PPP2CB: variants seen among roughly 807,000 people sequenced by gnomAD.
PPP2CB encodes the protein protein phosphatase 2 catalytic subunit beta, also known as serine/threonine-protein phosphatase 2A catalytic subunit beta isoform.
PPP2CB carries 18 observed loss-of-function variants against 39.1 expected under a neutral mutation model. The observed-to-expected ratio is 0.46, with a 90% confidence interval of 0.32 to 0.68. PPP2CB has a LOEUF of 0.68. Ranked by LOEUF, PPP2CB falls within the 30% of genes least tolerant of loss-of-function variation. PPP2CB has a pLI of 0.04. For synonymous variants in PPP2CB, 129 were observed against 133.8 expected, an observed-to-expected ratio of 0.96 and a Z score of 0.25; for missense variants, 226 against 396.9, an observed-to-expected ratio of 0.57 and a Z score of 3.66.
At chr8:30,799,906 T>TAATGAAAAATTATTATTAGAA in intron 1 of PPP2CB, 151 bp from the exon 2 acceptor site, 2 of 643,606 alleles carry the variant, frequency 3.1e-6, no homozygotes, top group Non-Finnish European at 2.7e-6. Flanking sequence ...TTAGAAAGGC[T>TAATGAAAAATTATTATTAGAA]ATAATAAAAA....
At chr8:30,806,227 T>G (rs1437298607) in intron 1 of PPP2CB, among the ~76,000 whole-genome samples, 1 of 151,528 alleles carries the variant, frequency 6.6e-6, no homozygotes, top group Non-Finnish European at 1.5e-5. Context: ...TTTTTTTTTT[T>G]GTATTTTTAG....
At position 30,785,999 on chromosome 8, in the gene PPP2CB, C is replaced by T. The variant is rs1027461103; in HGVS notation, c.*236G>A. On this transcript the variant is annotated 3_prime_UTR_variant, in exon 7 of 7. Transcript: ENST00000221138. ...CAAAGGAAAATGGTTACTATAAATA[C>T]AGCAGGCAAACTGTTAGACTGACCT... 1.6e-6 allele frequency: 1 copy of T among 640,384 alleles called. No homozygotes were observed. The highest frequency in any genetic ancestry group is 3.2e-5 in the East Asian group (1 of 31,644). The allele number at this position is 640,384 out of a possible 1,614,324, so 39.7% of individuals were successfully genotyped here.
intron 1 of PPP2CB, among the ~76,000 whole-genome samples, chr8:30,802,539 G>C (rs1194119553): frequency 6.6e-6 from 1 of 152,022 alleles, no homozygotes; most frequent in African/African-American, 2.4e-5. Flanking sequence ...GGAGTGCAGT[G>C]GTGTGAACGT....
chr8:30,812,580 G>C lies in PPP2CB; in HGVS notation c.-159C>G, dbSNP rs931931489. ...GGACTGAGCCGGGTAGGGCGGCCGC[G>C]GGCCCCGCGCCCCGCCCAAGCCCAG... On this transcript the variant is annotated 5_prime_UTR_variant, in exon 1 of 7. Transcript: ENST00000221138. The C allele has an allele frequency of 5.1e-5, 19 of 375,310 alleles. No individual in the cohort carries two copies. The highest frequency in any genetic ancestry group is 4.3e-4 in the East Asian group (9 of 20,940). 23.2% of individuals were successfully genotyped at this position (375,310 alleles called of 1,614,324 possible). A position where few individuals can be genotyped will look rare whatever the true frequency, so the allele number is the denominator to read the frequency against.
intron 5 of PPP2CB, chr8:30,791,570 G>A (rs1035872815): frequency 7.0e-6 from 2 of 285,816 alleles, no homozygotes; most frequent in African/African-American, 4.4e-5. Context: ...ATCTTGGCAA[G>A]GATGTGTACT....
intron 3 of PPP2CB, among the ~76,000 whole-genome samples, chr8:30,797,364 AC>A (rs1188626051): frequency 6.6e-6 from 1 of 152,254 alleles, no homozygotes; most frequent in East Asian, 1.9e-4. Flanking sequence ...TAAAAGATTT[AC>A]ATACATATCT....
intron 1 of PPP2CB, 25 bp from the exon 2 acceptor site, chr8:30,799,780 T>A (rs1806589805): frequency 6.3e-7 from 1 of 1,595,184 alleles, no homozygotes; most frequent in South Asian, 1.1e-5. Context: ...AAATCAACAA[T>A]TACAAAGTTA....
chr8:30,801,848 T>C (rs978171765), intron 1 of PPP2CB, among the ~76,000 whole-genome samples: 1 of 152,144 alleles, frequency 6.6e-6, no homozygotes, highest in Non-Finnish European at 1.5e-5. Flanking sequence ...TTATGCCAAC[T>C]AGATGCGCCC....
At chr8:30,798,032 G>T (rs1317677851) in intron 2 of PPP2CB, among the ~76,000 whole-genome samples, 1 of 152,068 alleles carries the variant, frequency 6.6e-6, no homozygotes, top group African/African-American at 2.4e-5. Flanking sequence ...ACTTGTATCT[G>T]ATACTTTGCT....
At chr8:30,786,440 T>C in intron 6 of PPP2CB, 133 bp from the exon 7 acceptor site, 1 of 677,062 alleles carries the variant, frequency 1.5e-6, no homozygotes, top group Non-Finnish European at 2.4e-6. Context: ...ACGGCTGGAA[T>C]GGCCATGGGC....
intron 3 of PPP2CB, among the ~76,000 whole-genome samples, chr8:30,796,774 T>C (rs774661577): frequency 2.0e-5 from 3 of 152,262 alleles, no homozygotes; most frequent in Non-Finnish European, 4.4e-5. Context: ...TAATTTCTTC[T>C]TATACTTTTG....
chr8:30,808,463 G>A (rs1045286494), intron 1 of PPP2CB, among the ~76,000 whole-genome samples: 4 of 151,960 alleles, frequency 2.6e-5, no homozygotes, highest in African/African-American at 4.8e-5. Flanking sequence ...ACCATCATAC[G>A]ATGTAACTTC....
At chr8:30,788,230 T>C (rs968006840) in intron 6 of PPP2CB, among the ~76,000 whole-genome samples, 6 of 152,148 alleles carry the variant, frequency 3.9e-5, no homozygotes, top group South Asian at 4.1e-4. Context: ...AGTATAAAGA[T>C]AGGTTACTGA....
chr8:30,794,451 T>G, intron 3 of PPP2CB, 170 bp from the exon 4 acceptor site: 1 of 552,706 alleles, frequency 1.8e-6, no homozygotes, highest in Admixed American at 3.5e-5. Flanking sequence ...ATCCCCATCC[T>G]TGGGGACCCA....
chr8:30,800,451 A>C (rs1806601852), intron 1 of PPP2CB, among the ~76,000 whole-genome samples: 1 of 152,266 alleles, frequency 6.6e-6, no homozygotes, highest in African/African-American at 2.4e-5. Context: ...TGTGTGAACA[A>C]ACATTCTTAC....
At chr8:30,795,840 T>TA (rs1806513540) in intron 3 of PPP2CB, among the ~76,000 whole-genome samples, 1 of 152,234 alleles carries the variant, frequency 6.6e-6, no homozygotes. Context: ...GTTCTTGTGA[T>TA]ACACGAGCTC....
At chr8:30,795,975 AGGAG>A (rs954772468) in intron 3 of PPP2CB, among the ~76,000 whole-genome samples, 1 of 152,188 alleles carries the variant, frequency 6.6e-6, no homozygotes, top group Non-Finnish European at 1.5e-5. Flanking sequence ...AAAGGAAGGA[AGGAG>A]GAAGGGAAAA....
At position 30,786,261 on chromosome 8, in the gene PPP2CB, G is replaced by A. The variant is rs1806339345; in HGVS notation, c.904C>T (p.Arg302Trp). 4 of 1,579,520 alleles carry A rather than the reference G, an allele frequency of 2.5e-6. No homozygotes were observed. Among genetic ancestry groups the A allele is most frequent in the Admixed American group, 1.8e-5 (1 of 54,070 alleles). Residue 302 changes from arginine to tryptophan, a missense_variant, in exon 7 of 7, where the codon CGG becomes TGG. Arg to Trp is a moderately radical substitution (Grantham distance 101). Coordinates refer to ENST00000221138, the MANE Select transcript of PPP2CB (RefSeq NM_001009552.2). ...APRRGEPHVT[R>W]RTPDYFL ...TATAGGAAGTAGTCTGGGGTGCGCCGTGTAACATGAGGCTCACCACGACGA... is the reference window on the plus strand; with the variant it reads ...TATAGGAAGTAGTCTGGGGTGCGCCATGTAACATGAGGCTCACCACGACGA...
chr8:30,796,684 C>T (rs780900770), intron 3 of PPP2CB, among the ~76,000 whole-genome samples: 1 of 152,074 alleles, frequency 6.6e-6, no homozygotes, highest in Non-Finnish European at 1.5e-5. Flanking sequence ...CCAACTTGCC[C>T]GGCTTTTGTT....
Sources: gnomAD v4.1 joint callset for allele counts (sites outside exome capture counted in the v4.1 genomes callset) on GRCh38, gnomAD v4.1.1 for gene constraint, MANE v1.5 for transcripts, NCBI Gene and HGNC (gene_info 2026-07-23, HGNC 2026-07-21) for gene names.